The following R3HDM2 variants were observed in gnomAD, a reference collection of about 807,000 sequenced individuals.
R3HDM2 encodes the protein R3H domain-containing protein 2.
In R3HDM2, 38 loss-of-function variants were observed where a neutral mutation model predicts 124.5. The observed-to-expected ratio is 0.31, with a 90% CI of 0.24 to 0.40. The LOEUF (loss-of-function observed/expected upper bound fraction) is 0.40. R3HDM2 is among the 10% of genes least tolerant of loss of function. R3HDM2 has a pLI of 1.00. For missense variants in R3HDM2, 869 were observed against 1,236.9 expected, an observed-to-expected ratio of 0.70 and a Z score of 4.46; for synonymous variants, 391 against 448.0, an observed-to-expected ratio of 0.87 and a Z score of 1.61.
intron 11 of R3HDM2, among the ~76,000 whole-genome samples, chr12:57,291,333 G>C (rs1027269586): frequency 3.3e-5 from 5 of 151,946 alleles, no homozygotes; most frequent in African/African-American, 1.2e-4. Flanking sequence ...GAGGAAAGTA[G>C]TGTTCATCTA....
chr12:57,298,203 T>C (rs749941839), intron 6 of R3HDM2, 35 bp from the exon 7 acceptor site: 172 of 1,448,402 alleles, frequency 1.2e-4, no homozygotes, highest in Middle Eastern at 3.6e-4. Context: ...TTAAAATACA[T>C]GAAACTGCTT....
chr12:57,396,631 T>C (rs1378459879), intron 1 of R3HDM2, among the ~76,000 whole-genome samples: 2 of 151,236 alleles, frequency 1.3e-5, no homozygotes, highest in East Asian at 2.0e-4. Flanking sequence ...ACACAAAAAT[T>C]AGCCAAGTGT....
intron 2 of R3HDM2, among the ~76,000 whole-genome samples, chr12:57,386,106 A>G (rs1342117300): frequency 1.3e-5 from 2 of 152,200 alleles, no homozygotes; most frequent in African/African-American, 4.8e-5. Flanking sequence ...TTTCATACAA[A>G]TTTATGTTAA....
chr12:57,418,846 A>C (rs2069907266), intron 1 of R3HDM2, among the ~76,000 whole-genome samples: 1 of 152,334 alleles, frequency 6.6e-6, no homozygotes, highest in South Asian at 2.1e-4. Flanking sequence ...AACAGGCATG[A>C]GTCACTGCAC....
At chr12:57,423,630 G>A (rs1202085362) in intron 1 of R3HDM2, among the ~76,000 whole-genome samples, 1 of 151,310 alleles carries the variant, frequency 6.6e-6, no homozygotes, top group East Asian at 2.0e-4. Context: ...TGGCCAACAT[G>A]GTGAAACCCC....
At chr12:57,413,744 A>C (rs989558572) in intron 1 of R3HDM2, among the ~76,000 whole-genome samples, 5 of 151,824 alleles carry the variant, frequency 3.3e-5, no homozygotes, top group East Asian at 1.9e-4. Context: ...CTCAAGGAAA[A>C]AACAACAACA....
At chr12:57,307,323 T>G (rs1428340800) in intron 3 of R3HDM2, among the ~76,000 whole-genome samples, 1 of 149,304 alleles carries the variant, frequency 6.7e-6, no homozygotes, top group African/African-American at 2.4e-5. Flanking sequence ...TGTTGTTGTT[T>G]TGTTTTGTTT....
intron 12 of R3HDM2, among the ~76,000 whole-genome samples, chr12:57,285,016 T>C (rs929582126): frequency 7.2e-5 from 11 of 152,202 alleles, no homozygotes; most frequent in Admixed American, 5.9e-4. Flanking sequence ...TTTTCTTTCA[T>C]ACCCCACATC....
chr12:57,253,881 A>G lies in R3HDM2; in HGVS notation c.*892T>C, dbSNP rs1277146305. 4.6e-6 allele frequency: 1 copy of G among 219,020 alleles called. No homozygotes were observed. The highest frequency in any genetic ancestry group is 6.4e-5 in the Admixed American group (1 of 15,718). The allele number at this position is 219,020 out of a possible 1,614,324, so 13.6% of individuals were successfully genotyped here. A position where few individuals can be genotyped will look rare whatever the true frequency, so the allele number is the denominator to read the frequency against. ...TTTACAGTGAATATACCCAGCAAAC[A>G]TCTGTATGTGCAATTAAATACTGTG... On this transcript the variant is annotated 3_prime_UTR_variant, in exon 24 of 24. Coordinates refer to ENST00000402412, the MANE Select transcript of R3HDM2 (RefSeq NM_001394031.1).
chr12:57,360,186 G>A (rs2061759900), intron 2 of R3HDM2, among the ~76,000 whole-genome samples: 1 of 151,146 alleles, frequency 6.6e-6, no homozygotes, highest in Non-Finnish European at 1.5e-5. Context: ...GCGCCACCAT[G>A]CCTGGCTAAT....
rs76622024 is a variant in R3HDM2, at chr12:57,312,983, T to C, written c.-35-2520A>G. Among the ~76,000 whole-genome samples, 674 of 148,606 alleles carry C rather than the reference T, an allele frequency of 4.5e-3. 35 individuals are homozygous for C. In the East Asian group the frequency reaches 0.11, roughly 25 times the overall value. ...TAGTTGAATTTAAAGATGAGAAATATTAGAAGAAACTAGCTACAAATATTG... is the reference window on the plus strand; with the variant it reads ...TAGTTGAATTTAAAGATGAGAAATACTAGAAGAAACTAGCTACAAATATTG... On this transcript the variant is annotated intron_variant, in intron 2 of 23. Coordinates refer to ENST00000402412, the MANE Select transcript of R3HDM2 (RefSeq NM_001394031.1).
intron 2 of R3HDM2, among the ~76,000 whole-genome samples, chr12:57,362,037 T>A (rs1307678231): frequency 6.6e-6 from 1 of 151,954 alleles, no homozygotes; most frequent in Non-Finnish European, 1.5e-5. Flanking sequence ...GAGGCTGAGG[T>A]GGGAGGATTG....
At chr12:57,367,223 G>A (rs1566362053) in intron 2 of R3HDM2, among the ~76,000 whole-genome samples, 1 of 152,086 alleles carries the variant, frequency 6.6e-6, no homozygotes, top group Non-Finnish European at 1.5e-5. Context: ...ATCCTTTCCA[G>A]AAGTCTTTCT....
chr12:57,386,626 C>T (rs997423411), intron 2 of R3HDM2, among the ~76,000 whole-genome samples: 7 of 152,238 alleles, frequency 4.6e-5, no homozygotes, highest in African/African-American at 1.7e-4. Flanking sequence ...CCCAGTCCCA[C>T]GGACAGCCTA....
chr12:57,407,975 G>C (rs987012276), intron 1 of R3HDM2, among the ~76,000 whole-genome samples: 8 of 151,938 alleles, frequency 5.3e-5, no homozygotes, highest in African/African-American at 1.9e-4. Context: ...TGTTGCCCAG[G>C]CTGGAGTGCA....
At chr12:57,348,708 A>AAAAAAAAAAAAG (rs2060314028) in intron 2 of R3HDM2, among the ~76,000 whole-genome samples, 1 of 46,146 alleles carries the variant, frequency 2.2e-5, no homozygotes, top group African/African-American at 4.9e-5. Flanking sequence ...AAAAAAAAAA[A>AAAAAAAAAAAAG]AAAAAAAAAA....
At chr12:57,326,532 G>A (rs909365948) in intron 2 of R3HDM2, among the ~76,000 whole-genome samples, 1 of 152,262 alleles carries the variant, frequency 6.6e-6, no homozygotes, top group African/African-American at 2.4e-5. Context: ...GCTAGCAGAG[G>A]TTGGTTCATG....
intron 2 of R3HDM2, among the ~76,000 whole-genome samples, chr12:57,356,964 G>A (rs2061365705): frequency 2.0e-5 from 3 of 151,944 alleles, no homozygotes; most frequent in Admixed American, 2.0e-4. Context: ...AAATTAGACA[G>A]GCGTGGTGGC....
intron 14 of R3HDM2, among the ~76,000 whole-genome samples, chr12:57,272,052 G>A (rs1178553974): frequency 2.0e-5 from 3 of 152,102 alleles, no homozygotes; most frequent in East Asian, 3.8e-4. Context: ...GTGCCACCAC[G>A]CCCGGCCTGT....
Sources: allele counts gnomAD v4.1 joint callset (sites outside exome capture counted in the v4.1 genomes callset), GRCh38; gene constraint gnomAD v4.1.1; transcripts MANE v1.5; gene names NCBI Gene and HGNC (gene_info 2026-07-23, HGNC 2026-07-21).